Variants in STK17B observed in about 807,000 individuals in gnomAD.
The protein encoded by STK17B is serine/threonine kinase 17b.
Under a neutral mutation model 42.0 loss-of-function variants are expected in STK17B, and 21 were observed. That is an observed-to-expected ratio of 0.50 (90% CI 0.35 to 0.72). STK17B has a LOEUF of 0.72. Among genes scored for constraint, STK17B ranks in the 30% least tolerant of loss-of-function variants. The pLI is 0.00. For synonymous variants in STK17B, 143 were observed against 148.4 expected (o/e 0.96, Z 0.26); for missense variants, 349 against 446.0 (o/e 0.78, Z 1.96).
intron 4 of STK17B, among the ~76,000 whole-genome samples, chr2:196,144,505 A>C (rs1010949158): frequency 4.7e-5 from 7 of 147,820 alleles, no homozygotes; most frequent in African/African-American, 7.5e-5. Flanking sequence ...AAAAAAAAAA[A>C]AAAAAAAAAA....
chr2:196,147,512 G>C (rs1699593583), intron 3 of STK17B, among the ~76,000 whole-genome samples: 1 of 151,974 alleles, frequency 6.6e-6, no homozygotes, highest in Non-Finnish European at 1.5e-5. Flanking sequence ...AAGTCACAAG[G>C]ACTGACACTT....
chr2:196,170,663 T>C (rs1699928013), intron 1 of STK17B, among the ~76,000 whole-genome samples: 1 of 152,068 alleles, frequency 6.6e-6, no homozygotes, highest in Non-Finnish European at 1.5e-5. Context: ...CATCCAGTAG[T>C]GGTATAGTTT....
At chr2:196,144,442 G>GCA (rs1222419793) in intron 4 of STK17B, among the ~76,000 whole-genome samples, 1 of 119,308 alleles carries the variant, frequency 8.4e-6, no homozygotes, top group Non-Finnish European at 1.6e-5. Flanking sequence ...AGCCAAGATC[G>GCA]CACCACTGCA....
At chr2:196,159,245 TTTA>T (rs1699780603) in intron 2 of STK17B, among the ~76,000 whole-genome samples, 1 of 152,056 alleles carries the variant, frequency 6.6e-6, no homozygotes. Context: ...CTGCAATAAT[TTTA>T]TTATTTATTT....
intron 2 of STK17B, among the ~76,000 whole-genome samples, chr2:196,162,359 T>C (rs1699821947): frequency 6.6e-6 from 1 of 151,956 alleles, no homozygotes; most frequent in South Asian, 2.1e-4. Context: ...TATGAATTCA[T>C]TCTTTTTGTT....
chr2:196,162,722 A>G (rs1699827881), intron 2 of STK17B, among the ~76,000 whole-genome samples: 1 of 150,846 alleles, frequency 6.6e-6, no homozygotes, highest in Non-Finnish European at 1.5e-5. Context: ...ACATGGAGAA[A>G]CCCTGTCTCT....
At chr2:196,144,008 G>A (rs774905823) in intron 4 of STK17B, among the ~76,000 whole-genome samples, 4 of 104,214 alleles carry the variant, frequency 3.8e-5, no homozygotes, top group South Asian at 3.5e-4. Flanking sequence ...GAGATGATGC[G>A]TAAGCTGAGA....
chr2:196,168,465 A>C (rs925617947), intron 1 of STK17B, among the ~76,000 whole-genome samples: 3 of 152,224 alleles, frequency 2.0e-5, no homozygotes, highest in Non-Finnish European at 2.9e-5. Context: ...AGCACCGCTT[A>C]AGTACTATTT....
rs551014734 is a variant in STK17B, at chr2:196,150,932, C to A, written c.336-4877G>T. ...GAGAATACAGATAACGTGCCTATCA[C>A]AGTGCCTGCCAGAGTGTAAATGTTC... is the stretch of plus-strand genomic sequence containing the variant. On this transcript the variant is annotated intron_variant, in intron 3 of 7. Transcript: ENST00000263955. Among the ~76,000 whole-genome samples, 8 of 152,300 alleles carry A rather than the reference C, an allele frequency of 5.3e-5. 1 individual carries two copies. The highest frequency in any genetic ancestry group is 5.2e-4 in the Admixed American group (8 of 15,300).
chr2:196,153,928 C>G (rs930467476), intron 3 of STK17B: 1 of 152,108 alleles, frequency 6.6e-6, no homozygotes, highest in South Asian at 2.1e-4. Context: ...AGGGAAATCA[C>G]TAGACGAAAA....
At chr2:196,161,121 C>T (rs1178372597) in intron 2 of STK17B, among the ~76,000 whole-genome samples, 1 of 152,104 alleles carries the variant, frequency 6.6e-6, no homozygotes, top group African/African-American at 2.4e-5. Context: ...TTCCCCATCG[C>T]TGAAGCATTC....
chr2:196,151,758 T>C (rs1699669154), intron 3 of STK17B, among the ~76,000 whole-genome samples: 1 of 152,152 alleles, frequency 6.6e-6, no homozygotes, highest in Non-Finnish European at 1.5e-5. Context: ...ATCCTCAAAT[T>C]TTCCTCCATA....
intron 7 of STK17B, among the ~76,000 whole-genome samples, chr2:196,138,658 C>T (rs189809978): frequency 2.6e-5 from 4 of 152,174 alleles, no homozygotes; most frequent in African/African-American, 2.4e-5. Flanking sequence ...TCACCACAAC[C>T]TCTGCTTTCT....
chr2:196,143,179 T>C (rs1185203692), intron 5 of STK17B, among the ~76,000 whole-genome samples: 1 of 152,212 alleles, frequency 6.6e-6, no homozygotes, highest in Non-Finnish European at 1.5e-5. Flanking sequence ...GAAATAGAAG[T>C]GAGATCTAGC....
intron 3 of STK17B, among the ~76,000 whole-genome samples, chr2:196,148,384 C>A (rs1361912008): frequency 6.6e-6 from 1 of 151,982 alleles, no homozygotes; most frequent in African/African-American, 2.4e-5. Flanking sequence ...CGTCTCAAAA[C>A]AGAAAGTGGT....
At chr2:196,174,993 C>T (rs1416224567), upstream of STK17B, among the ~76,000 whole-genome samples, 1 of 152,202 alleles carries the variant, frequency 6.6e-6, no homozygotes, top group African/African-American at 2.4e-5. Context: ...AGAGTATAAC[C>T]TGTCCTGTAA....
chr2:196,171,528 A>T lies in STK17B; in HGVS notation c.-240T>A, dbSNP rs1375950350. 1 of 152,128 alleles carries T rather than the reference A, an allele frequency of 6.6e-6. No homozygotes were observed. The highest frequency in any genetic ancestry group is 1.9e-4 in the East Asian group (1 of 5,172). The allele number at this position is 152,128 out of a possible 1,614,324, so 9.4% of individuals were successfully genotyped here. On this transcript the variant is annotated 5_prime_UTR_variant, in exon 1 of 8. Transcript: ENST00000263955. ...TTGTGACCTGGCTTCTCGTGAAGTG[A>T]CTCCTGGCGACAGCAGCGGAGAGGA...
intron 1 of STK17B, 61 bp downstream of exon 1, chr2:196,171,272 A>G (rs1699939225): frequency 6.6e-6 from 1 of 152,378 alleles, no homozygotes; most frequent in African/African-American, 2.4e-5. Context: ...AGGTCTCTGT[A>G]CCGAGGCGGC....
At chr2:196,150,811 C>T (rs1156847931) in intron 3 of STK17B, among the ~76,000 whole-genome samples, 1 of 152,048 alleles carries the variant, frequency 6.6e-6, no homozygotes, top group Non-Finnish European at 1.5e-5. Context: ...AAACAAAGTC[C>T]ATGGGATTTT....
Sources: allele counts gnomAD v4.1 joint callset (sites outside exome capture counted in the v4.1 genomes callset), GRCh38; gene constraint gnomAD v4.1.1; transcripts MANE v1.5; gene names NCBI Gene and HGNC (gene_info 2026-07-23, HGNC 2026-07-21).